COMMD10: variants seen among roughly 807,000 people sequenced by gnomAD.
COMMD10 encodes COMM domain containing 10, also known as COMM domain-containing protein 10.
In COMMD10, 33 loss-of-function variants were observed where a neutral mutation model predicts 28.9. The observed-to-expected ratio is 1.14, with a 90% CI of 0.87 to 1.53. COMMD10 has a LOEUF of 1.53. Ranked by LOEUF, COMMD10 falls within the 40% of genes most tolerant of loss-of-function variation. The probability of loss-of-function intolerance (pLI) is 0.00; values close to 1 mark genes in which losing one functional copy is unlikely to be tolerated. For missense variants in COMMD10, 310 were observed against 233.4 expected (o/e 1.33, Z -2.14); for synonymous variants, 110 against 81.7 (o/e 1.35, Z -1.87).
chr5:116,147,864 T>C (rs954227402), intron 5 of COMMD10, among the ~76,000 whole-genome samples: 10 of 151,928 alleles, frequency 6.6e-5, no homozygotes. Flanking sequence ...ACGTATTTAA[T>C]TGGCATATAT....
intron 5 of COMMD10, among the ~76,000 whole-genome samples, chr5:116,238,063 A>C (rs1380328777): frequency 2.0e-5 from 3 of 152,184 alleles, no homozygotes; most frequent in Non-Finnish European, 4.4e-5. Context: ...CATGTTGCAC[A>C]AAAAACAAGG....
chr5:116,156,863 C>T (rs1384798306), intron 5 of COMMD10, among the ~76,000 whole-genome samples: 2 of 152,136 alleles, frequency 1.3e-5, no homozygotes, highest in South Asian at 2.1e-4. Flanking sequence ...TCCAACCCTG[C>T]ACAGTCCTTG....
intron 5 of COMMD10, among the ~76,000 whole-genome samples, chr5:116,192,557 TATAAG>T (rs1345633497): frequency 2.6e-5 from 4 of 152,118 alleles, no homozygotes; most frequent in Non-Finnish European, 4.4e-5. Context: ...ATTGAACAAT[TATAAG>T]AAAGAAATTC....
intron 5 of COMMD10, among the ~76,000 whole-genome samples, chr5:116,141,727 T>C (rs1488005204): frequency 1.3e-5 from 2 of 151,830 alleles, no homozygotes; most frequent in African/African-American, 4.8e-5. Context: ...TGGGAGCACA[T>C]AAATAAGATT....
intron 5 of COMMD10, among the ~76,000 whole-genome samples, chr5:116,152,508 C>G (rs1376874422): frequency 6.6e-6 from 1 of 152,074 alleles, no homozygotes; most frequent in African/African-American, 2.4e-5. Flanking sequence ...TAGTAGCTTT[C>G]AGCTATAGGA....
chr5:116,085,324 A>T, intron 1 of COMMD10: 1 of 559,926 alleles, frequency 1.8e-6, no homozygotes, highest in South Asian at 2.2e-5. Flanking sequence ...TGCGCCTGGC[A>T]GCTGAGGTCT....
intron 5 of COMMD10, among the ~76,000 whole-genome samples, chr5:116,195,900 G>T (rs1193406608): frequency 6.6e-6 from 1 of 152,144 alleles, no homozygotes; most frequent in Non-Finnish European, 1.5e-5. Flanking sequence ...CCTTACTCCT[G>T]CAAGAACAGC....
intron 4 of COMMD10, among the ~76,000 whole-genome samples, chr5:116,127,198 G>C (rs1380233650): frequency 6.6e-6 from 1 of 152,194 alleles, no homozygotes; most frequent in Non-Finnish European, 1.5e-5. Flanking sequence ...CTGGCCATCA[G>C]AGAAATGCAA....
chr5:116,206,146 G>A (rs1221110130), intron 5 of COMMD10, among the ~76,000 whole-genome samples: 1 of 152,150 alleles, frequency 6.6e-6, no homozygotes, highest in Non-Finnish European at 1.5e-5. Context: ...TTAGTTTATG[G>A]TGGGGTATGA....
intron 2 of COMMD10, among the ~76,000 whole-genome samples, chr5:116,089,218 C>G (rs905711089): frequency 3.3e-5 from 5 of 152,150 alleles, no homozygotes; most frequent in African/African-American, 7.2e-5. Context: ...AACTTGAAAA[C>G]ATAGGTACTG....
At chr5:116,088,931 C>A (rs1750210668) in intron 2 of COMMD10, among the ~76,000 whole-genome samples, 2 of 152,152 alleles carry the variant, frequency 1.3e-5, no homozygotes, top group Non-Finnish European at 2.9e-5. Flanking sequence ...CTTTATGTTT[C>A]CCATTCCTAA....
intron 4 of COMMD10, among the ~76,000 whole-genome samples, chr5:116,123,342 G>T (rs1468683241): frequency 1.3e-5 from 2 of 152,048 alleles, no homozygotes; most frequent in Non-Finnish European, 1.5e-5. Context: ...GGTTTTTGTT[G>T]TTGTTTCTAT....
At chr5:116,151,667 G>C (rs1274812541) in intron 5 of COMMD10, among the ~76,000 whole-genome samples, 1 of 152,134 alleles carries the variant, frequency 6.6e-6, no homozygotes, top group East Asian at 1.9e-4. Flanking sequence ...AGTATTCTCT[G>C]ATGGTACTTT....
chr5:116,205,113 G>A (rs1315323552), intron 5 of COMMD10, among the ~76,000 whole-genome samples: 1 of 151,974 alleles, frequency 6.6e-6, no homozygotes, highest in Non-Finnish European at 1.5e-5. Context: ...GTCATGATCT[G>A]GTTTGTCCAA....
intron 6 of COMMD10, 88 bp downstream of exon 6, chr5:116,291,664 A>T: frequency 1.4e-6 from 1 of 728,654 alleles, no homozygotes; most frequent in Non-Finnish European, 2.2e-6. Context: ...TTTAAATGTC[A>T]TATTATGGAA....
At chr5:116,198,448 T>G (rs928682939) in intron 5 of COMMD10, among the ~76,000 whole-genome samples, 1 of 152,182 alleles carries the variant, frequency 6.6e-6, no homozygotes, top group Non-Finnish European at 1.5e-5. Flanking sequence ...CCTTCCCCTA[T>G]GCATGCATAG....
At chr5:116,093,892 T>G (rs1284404515) in intron 4 of COMMD10, among the ~76,000 whole-genome samples, 1 of 152,144 alleles carries the variant, frequency 6.6e-6, no homozygotes, top group East Asian at 1.9e-4. Flanking sequence ...GCCAACTGAT[T>G]TATTACAAAG....
chr5:116,225,597 G>A (rs1749375123), intron 5 of COMMD10, among the ~76,000 whole-genome samples: 1 of 152,036 alleles, frequency 6.6e-6, no homozygotes, highest in Non-Finnish European at 1.5e-5. Flanking sequence ...TATATGCACA[G>A]TGTGGTAGCC....
At chr5:116,200,705 C>T (rs765084862) in intron 5 of COMMD10, among the ~76,000 whole-genome samples, 11 of 151,996 alleles carry the variant, frequency 7.2e-5, no homozygotes, top group Non-Finnish European at 1.3e-4. Flanking sequence ...GTCCATTCAA[C>T]GGCATTCTTG....
Sources: allele counts gnomAD v4.1 joint callset (sites outside exome capture counted in the v4.1 genomes callset), GRCh38; gene constraint gnomAD v4.1.1; transcripts MANE v1.5; gene names NCBI Gene and HGNC (gene_info 2026-07-23, HGNC 2026-07-21).